Variants in STXBP5 observed in about 807,000 individuals in gnomAD.
STXBP5 encodes the protein syntaxin-binding protein 5.
A neutral mutation model predicts 152.4 loss-of-function variants in STXBP5; 50 were observed. The ratio of observed to expected loss-of-function variants is 0.33; its 90% CI spans 0.26 to 0.42. The LOEUF (loss-of-function observed/expected upper bound fraction) is 0.42, where lower values mean the gene tolerates loss of function less well. Ranked by LOEUF, STXBP5 falls within the 10% of genes least tolerant of loss-of-function variation. STXBP5 has a pLI of 1.00. For synonymous variants in STXBP5, 492 were observed against 494.7 expected (o/e 0.99, Z 0.07); for missense variants, 1,167 against 1,388.6 (o/e 0.84, Z 2.54).
At chr6:147,327,039 C>A in intron 17 of STXBP5, 86 bp from the exon 18 acceptor site, 1 of 1,258,682 alleles carries the variant, frequency 7.9e-7, no homozygotes, top group Non-Finnish European at 1.1e-6. Context: ...ACCCACCATG[C>A]TTCTTTCTTC....
intron 26 of STXBP5, among the ~76,000 whole-genome samples, chr6:147,379,918 T>C (rs1012256130): frequency 6.6e-6 from 1 of 152,058 alleles, no homozygotes; most frequent in African/African-American, 2.4e-5. Flanking sequence ...CACTTAGACA[T>C]AATTTAACCA....
chr6:147,315,326 C>T (rs1782588068), intron 14 of STXBP5, among the ~76,000 whole-genome samples, 189 bp from the exon 15 acceptor site: 1 of 152,042 alleles, frequency 6.6e-6, no homozygotes, highest in South Asian at 2.1e-4. Context: ...AATGAGCACA[C>T]TCTTGTTTGG....
intron 17 of STXBP5, among the ~76,000 whole-genome samples, chr6:147,326,909 G>A (rs1231502402): frequency 6.6e-6 from 1 of 152,170 alleles, no homozygotes; most frequent in Non-Finnish European, 1.5e-5. Context: ...TAATGCAGTT[G>A]ATTGATTTAG....
At chr6:147,384,668 G>T in intron 27 of STXBP5, 46 bp from the exon 28 acceptor site, 4 of 1,565,338 alleles carry the variant, frequency 2.6e-6, no homozygotes, top group Non-Finnish European at 2.6e-6. Context: ...AAATGTTATT[G>T]TTCCGGCATT....
chr6:147,216,658 C>T (rs1438617572), intron 2 of STXBP5, among the ~76,000 whole-genome samples: 2 of 151,836 alleles, frequency 1.3e-5, no homozygotes, highest in African/African-American at 2.4e-5. Flanking sequence ...TCCATTTCTC[C>T]AACTAGTATT....
intron 6 of STXBP5, among the ~76,000 whole-genome samples, chr6:147,265,465 T>C (rs1314769346): frequency 2.0e-5 from 3 of 152,128 alleles, no homozygotes; most frequent in Admixed American, 6.6e-5. Context: ...TAGAGACATA[T>C]AGATGAAAAT....
intron 9 of STXBP5, among the ~76,000 whole-genome samples, chr6:147,308,933 G>A (rs1199601730): frequency 1.3e-5 from 2 of 152,120 alleles, no homozygotes; most frequent in Non-Finnish European, 2.9e-5. Context: ...TACTAAGGAT[G>A]TGCTGAGCCA....
At chr6:147,235,508 A>T (rs1032907182) in intron 3 of STXBP5, among the ~76,000 whole-genome samples, 177 bp downstream of exon 3, 2 of 152,196 alleles carry the variant, frequency 1.3e-5, no homozygotes, top group Non-Finnish European at 2.9e-5. Context: ...TTACATAAAT[A>T]ATGTAAAATG....
intron 9 of STXBP5, among the ~76,000 whole-genome samples, chr6:147,297,701 G>C (rs1181044006): frequency 6.6e-6 from 1 of 152,078 alleles, no homozygotes; most frequent in African/African-American, 2.4e-5. Flanking sequence ...ATGTTACTTT[G>C]TTGAGAGAAG....
At chr6:147,309,725 G>A (rs768522775) in intron 9 of STXBP5, among the ~76,000 whole-genome samples, 1 of 152,050 alleles carries the variant, frequency 6.6e-6, no homozygotes, top group African/African-American at 2.4e-5. Context: ...GATTCTCTGT[G>A]GGAGCTTCTA....
At chr6:147,304,603 C>T (rs899773170) in intron 9 of STXBP5, among the ~76,000 whole-genome samples, 1 of 152,052 alleles carries the variant, frequency 6.6e-6, no homozygotes, top group Non-Finnish European at 1.5e-5. Context: ...AATGGTAGAT[C>T]CACTGACAGC....
chr6:147,219,117 A>G (rs1777327746), intron 2 of STXBP5, among the ~76,000 whole-genome samples: 1 of 152,160 alleles, frequency 6.6e-6, no homozygotes, highest in African/African-American at 2.4e-5. Flanking sequence ...GAGCAACTTC[A>G]CCTGTATTCG....
intron 16 of STXBP5, among the ~76,000 whole-genome samples, chr6:147,324,276 T>G (rs1264014490): frequency 7.9e-6 from 1 of 127,228 alleles, no homozygotes; most frequent in Non-Finnish European, 1.7e-5. Context: ...TTTTTTTTTT[T>G]TTTTTTTTTT....
chr6:147,378,431 C>A (rs930504190), intron 26 of STXBP5, among the ~76,000 whole-genome samples: 18 of 144,824 alleles, frequency 1.2e-4, no homozygotes, highest in African/African-American at 3.3e-4. Flanking sequence ...AAAAAAAATT[C>A]TTATCCGTTC....
chr6:147,206,998 GAA>G (rs5880699), intron 2 of STXBP5, among the ~76,000 whole-genome samples: 1 of 146,866 alleles, frequency 6.8e-6, no homozygotes, highest in Non-Finnish European at 1.5e-5. Context: ...GTGATAAATA[GAA>G]AAAAAAAATC....
chr6:147,227,039 C>A lies in STXBP5; in HGVS notation c.249-8211C>A, dbSNP rs1777753624. Among the ~76,000 whole-genome samples, 5 of 152,060 alleles carry A rather than the reference C, an allele frequency of 3.3e-5. No homozygotes were observed. In the South Asian group the frequency reaches 8.3e-4, roughly 25 times the overall value. On this transcript the variant is annotated intron_variant, in intron 2 of 27. Coordinates refer to ENST00000321680, the MANE Select transcript of STXBP5 (RefSeq NM_001127715.4). ...ACAGCAGGTAGGGTTAGAAAGAAAC[C>A]AGTGGTTATGGGGAAGAGAGAGAGA... is the stretch of plus-strand genomic sequence containing the variant.
At chr6:147,225,393 G>C (rs910476667) in intron 2 of STXBP5, among the ~76,000 whole-genome samples, 1 of 152,120 alleles carries the variant, frequency 6.6e-6, no homozygotes, top group Non-Finnish European at 1.5e-5. Flanking sequence ...CAGTTCTCCA[G>C]TTGCTTTCTA....
intron 2 of STXBP5, among the ~76,000 whole-genome samples, chr6:147,229,020 T>C (rs2115135354): frequency 6.6e-6 from 1 of 152,220 alleles, no homozygotes; most frequent in Middle Eastern, 3.4e-3. Flanking sequence ...AAATACGTCT[T>C]GTTTTTAAAT....
chr6:147,271,667 A>G (rs973907923), intron 7 of STXBP5, among the ~76,000 whole-genome samples: 3 of 152,154 alleles, frequency 2.0e-5, no homozygotes, highest in Non-Finnish European at 2.9e-5. Flanking sequence ...AATGCTTTGT[A>G]TTAGAAAACA....
Sources: allele counts gnomAD v4.1 joint callset (sites outside exome capture counted in the v4.1 genomes callset), GRCh38; gene constraint gnomAD v4.1.1; transcripts MANE v1.5; gene names NCBI Gene and HGNC (gene_info 2026-07-23, HGNC 2026-07-21).